The following SESTD1 variants were observed in gnomAD, a reference collection of about 807,000 sequenced individuals.
SESTD1 encodes the protein SEC14 domain and spectrin repeat-containing protein 1.
A neutral mutation model predicts 101.7 loss-of-function variants in SESTD1; 43 were observed. The observed-to-expected ratio is 0.42, with a 90% CI of 0.33 to 0.55. SESTD1 has a LOEUF of 0.55. SESTD1 is among the 20% of genes least tolerant of loss of function. SESTD1 has a pLI of 0.07. For synonymous variants in SESTD1, 283 were observed against 286.8 expected (o/e 0.99, Z 0.13); for missense variants, 647 against 815.1 (o/e 0.79, Z 2.51).
rs1413005366 is a variant in SESTD1 at position 179,105,806 on chromosome 2, A to G, written c.*4093T>C. 1 of 152,174 alleles carries G rather than the reference A, an allele frequency of 6.6e-6. No individual in the cohort carries two copies. Among genetic ancestry groups the G allele is most frequent in the Non-Finnish European group, 1.5e-5 (1 of 68,018 alleles). 9.4% of individuals were successfully genotyped at this position (152,174 alleles called of 1,614,324 possible). A position where few individuals can be genotyped will look rare whatever the true frequency, so the allele number is the denominator to read the frequency against. On this transcript the variant is annotated 3_prime_UTR_variant, in exon 18 of 18. Transcript: ENST00000428443. ...ATATTTTTTTAACAGTAAATGGCAA[A>G]GCCAGATTTTTGAAGCCAAGTATTC...
At chr2:179,113,540 T>A (rs768218687) in intron 16 of SESTD1, among the ~76,000 whole-genome samples, 33 of 152,214 alleles carry the variant, frequency 2.2e-4, no homozygotes, top group Non-Finnish European at 4.0e-4. Flanking sequence ...ATAAAAAGTA[T>A]TCATTTTTAC....
At chr2:179,118,154 T>C (rs1269034161) in intron 13 of SESTD1, among the ~76,000 whole-genome samples, 2 of 152,096 alleles carry the variant, frequency 1.3e-5, no homozygotes, top group East Asian at 3.9e-4. Flanking sequence ...ATTTAAACAT[T>C]AACGCTTTTC....
At chr2:179,140,834 T>C (rs1575437567) in intron 9 of SESTD1, among the ~76,000 whole-genome samples, 1 of 152,124 alleles carries the variant, frequency 6.6e-6, no homozygotes, top group African/African-American at 2.4e-5. Context: ...ACAACAGCGT[T>C]TGACAGGGTT....
intron 13 of SESTD1, among the ~76,000 whole-genome samples, chr2:179,119,867 G>A (rs182911571): frequency 6.6e-6 from 1 of 152,102 alleles, no homozygotes. Context: ...AGTTTCCTGA[G>A]GTTTCCCCAG....
intron 8 of SESTD1, among the ~76,000 whole-genome samples, chr2:179,145,370 G>A (rs1253670090): frequency 2.0e-5 from 3 of 152,056 alleles, no homozygotes; most frequent in African/African-American, 4.8e-5. Context: ...GTTACTTAAC[G>A]TTTTTATGCT....
intron 5 of SESTD1, among the ~76,000 whole-genome samples, chr2:179,152,496 TA>T (rs1458714192): frequency 2.0e-5 from 3 of 152,136 alleles, no homozygotes; most frequent in Admixed American, 1.3e-4. Context: ...AAACTGACTT[TA>T]AAAAAATTTA....
At chr2:179,174,459 C>A (rs1219585538) in intron 4 of SESTD1, 3 of 468,294 alleles carry the variant, frequency 6.4e-6, no homozygotes, top group Non-Finnish European at 1.3e-5. Flanking sequence ...AACAGCTCAT[C>A]TGTGACACAG....
At chr2:179,149,459 T>A in intron 6 of SESTD1, 65 bp from the exon 7 acceptor site, 1 of 1,139,438 alleles carries the variant, frequency 8.8e-7, no homozygotes, top group Non-Finnish European at 1.2e-6. Flanking sequence ...ATAAGGATTG[T>A]CAGTTAAGAG....
rs1331619707 is a variant in SESTD1, at chr2:179,121,947, A to AG, written c.1283-19dup. 1.3e-6 allele frequency: 2 copies of AG among 1,588,886 alleles called. No individual in the cohort carries two copies. The highest frequency in any genetic ancestry group is 1.4e-5 in the African/African-American group (1 of 73,176). On this transcript the variant is annotated intron_variant, in intron 12 of 17. Transcript: ENST00000428443. ...TCCCACATCTAAAACAAAAGTTACT[A>AG]GATTTAATCTCTTACACAACTAAGG...
intron 1 of SESTD1, among the ~76,000 whole-genome samples, chr2:179,244,961 T>C (rs2047207955): frequency 6.6e-6 from 1 of 152,230 alleles, no homozygotes. Context: ...AACAGTAGAC[T>C]GTAATAAATT....
chr2:179,195,595 C>A (rs905130167), intron 1 of SESTD1, among the ~76,000 whole-genome samples: 1 of 152,180 alleles, frequency 6.6e-6, no homozygotes, highest in African/African-American at 2.4e-5. Context: ...AGCAAGAAAG[C>A]TAATTGAACA....
Position 179,121,759 on chromosome 2 carries a change from T to TC in SESTD1, c.1442+10dup. 1.9e-6 allele frequency: 3 copies of TC among 1,553,940 alleles called. No individual in the cohort carries two copies. Among genetic ancestry groups the TC allele is most frequent in the Non-Finnish European group, 2.6e-6 (3 of 1,156,244 alleles). The stretch of plus-strand genomic sequence containing the variant: ...TATTTTAGTAAAAAGTAATTAACGG[T>TC]CAAACTTTGCCTTTGTTTTCTAAGC... On this transcript the variant is annotated intron_variant, in intron 13 of 17. Coordinates refer to ENST00000428443, the MANE Select transcript of SESTD1 (RefSeq NM_178123.5).
intron 1 of SESTD1, among the ~76,000 whole-genome samples, chr2:179,230,113 C>CTCTTTTTT (rs2046962437): frequency 7.1e-5 from 4 of 56,406 alleles, no homozygotes; most frequent in African/African-American, 2.5e-4. Flanking sequence ...GATTGTATCT[C>CTCTTTTTT]TTTTTTTTTT....
intron 1 of SESTD1, among the ~76,000 whole-genome samples, chr2:179,197,302 G>T (rs1206828535): frequency 1.3e-5 from 2 of 152,116 alleles, no homozygotes; most frequent in Admixed American, 6.5e-5. Context: ...AGAAATATGG[G>T]ACTACGTGAA....
intron 3 of SESTD1, among the ~76,000 whole-genome samples, chr2:179,180,369 G>C (rs1479248054): frequency 6.6e-6 from 1 of 152,138 alleles, no homozygotes; most frequent in Non-Finnish European, 1.5e-5. Flanking sequence ...ATTAGGAAGA[G>C]GCTACCTTAG....
chr2:179,173,896 C>T (rs1343706579), intron 4 of SESTD1, among the ~76,000 whole-genome samples: 1 of 152,012 alleles, frequency 6.6e-6, no homozygotes, highest in Non-Finnish European at 1.5e-5. Context: ...TAAATTGCAG[C>T]ACTGAATAAT....
chr2:179,162,172 T>A (rs2045748813), intron 5 of SESTD1, among the ~76,000 whole-genome samples: 1 of 152,070 alleles, frequency 6.6e-6, no homozygotes. Context: ...AGCTGAGTGA[T>A]AAATCTGAGC....
rs2044808146 is a variant in SESTD1, at chr2:179,123,849, AAGAGAT to A, written c.1168-26_1168-21del. 6.4e-7 allele frequency: 1 copy of A among 1,550,900 alleles called. No homozygotes were observed. Among genetic ancestry groups the A allele is most frequent in the Non-Finnish European group, 8.9e-7 (1 of 1,123,012 alleles). On this transcript the variant is annotated intron_variant, in intron 11 of 17. Coordinates refer to ENST00000428443, the MANE Select transcript of SESTD1 (RefSeq NM_178123.5). ...AGACAACTAAAGCAGAGGGACACCA[AAGAGAT>A]AACCCTGATGTAATCAGCATCTAAA...
At chr2:179,231,801 A>T (rs535569706) in intron 1 of SESTD1, among the ~76,000 whole-genome samples, 22 of 152,116 alleles carry the variant, frequency 1.4e-4, no homozygotes, top group Non-Finnish European at 2.8e-4. Context: ...TAAGGAAGCA[A>T]GAGTAATGAT....
Sources: gnomAD v4.1 joint callset for allele counts (sites outside exome capture counted in the v4.1 genomes callset) on GRCh38, gnomAD v4.1.1 for gene constraint, MANE v1.5 for transcripts, NCBI Gene and HGNC (gene_info 2026-07-23, HGNC 2026-07-21) for gene names.